The following HOXC13 variants were observed in gnomAD, a reference collection of about 807,000 sequenced individuals.
HOXC13 encodes homeobox C13, also known as homeobox protein Hox-C13.
HOXC13 carries 10 observed loss-of-function variants against 25.9 expected under a neutral mutation model. The observed-to-expected ratio is 0.39, with a 90% CI of 0.24 to 0.65. The LOEUF is 0.65. HOXC13 is among the 30% of genes least tolerant of loss of function. The pLI is 0.50. For synonymous variants in HOXC13, 233 were observed against 217.1 expected, an observed-to-expected ratio of 1.07 and a Z score of -0.64; for missense variants, 439 against 478.3, an observed-to-expected ratio of 0.92 and a Z score of 0.77.
chr12:53,939,201 C>G lies in HOXC13; in HGVS notation c.295C>G (p.Pro99Ala). Reference sequence around the variant, plus strand: ...CGCCGTCTATACGGACATCCCGGCCCCGGAGGCGGCGCGCCAGTGTGCCCC... The same window carrying G: ...CGCCGTCTATACGGACATCCCGGCCGCGGAGGCGGCGCGCCAGTGTGCCCC... The part of the protein sequence containing the change: ...QGAVYTDIPA[P>A]EAARQCAPPP... The change falls in exon 1 of 2, where the codon CCG (proline) becomes GCG (alanine). Residue 99 changes from proline (P) to alanine (A), a missense_variant. By Grantham distance (27) the Pro-to-Ala change is conservative. Coordinates refer to ENST00000243056, the MANE Select transcript of HOXC13 (RefSeq NM_017410.3). The surrounding 1 kb of genome is among the most constrained non-coding windows in gnomAD (Gnocchi z 6.7). 2 of 1,529,470 alleles carry G rather than the reference C, an allele frequency of 1.3e-6. No individual in the cohort carries two copies. The highest frequency in any genetic ancestry group is 1.8e-6 in the Non-Finnish European group (2 of 1,142,302). 94.7% of individuals were successfully genotyped at this position (1,529,470 alleles called of 1,614,324 possible). A position where few individuals can be genotyped will look rare whatever the true frequency, so the allele number is the denominator to read the frequency against.
At position 53,939,049 on chromosome 12, in the gene HOXC13, G is replaced by A. The variant is rs1443988303; in HGVS notation, c.143G>A (p.Gly48Glu). The A allele has an allele frequency of 6.9e-7, 1 of 1,444,010 alleles. No homozygotes were observed. Among genetic ancestry groups the A allele is most frequent in the Admixed American group, 2.7e-5 (1 of 36,898 alleles). The allele number at this position is 1,444,010 out of a possible 1,614,324, so 89.4% of individuals were successfully genotyped here. The change falls in exon 1 of 2, where the codon GGA (glycine) becomes GAA (glutamate). Residue 48 changes from glycine (G) to glutamate (E), a missense_variant. Transcript: ENST00000243056. This position sits in a 1 kb window ranked among gnomAD's most constrained non-coding sequence, Gnocchi z 6.7. ...GGCGGAGCGGGGGGTGGCTGCAGCG[G>A]AGCGAGCCCCGGCAAAGCCCCGAGC... is the stretch of plus-strand genomic sequence containing the variant. ...GTGGAGGGCS[G>E]ASPGKAPSMD...
At position 53,946,060 on chromosome 12, in the gene HOXC13, A is replaced by C. The variant is rs1938688773; in HGVS notation, c.*804A>C. On this transcript the variant is annotated 3_prime_UTR_variant, in exon 2 of 2. Coordinates refer to ENST00000243056, the MANE Select transcript of HOXC13 (RefSeq NM_017410.3). ...GCTCCTCTCTCCTCTCTCTCTCTCT[A>C]GGTGGTAAGGTTGGGGATTAGTCCA... 1 of 229,698 alleles carries C rather than the reference A, an allele frequency of 4.4e-6. No individual in the cohort carries two copies. The highest frequency in any genetic ancestry group is 8.6e-6 in the Non-Finnish European group (1 of 115,982). The allele number at this position is 229,698 out of a possible 1,614,324, so 14.2% of individuals were successfully genotyped here.
intron 1 of HOXC13, among the ~76,000 whole-genome samples, chr12:53,944,539 A>G (rs905876483): frequency 4.6e-5 from 7 of 152,172 alleles, no homozygotes; most frequent in African/African-American, 1.7e-4. Context: ...ATTTTTCTGA[A>G]TATCTGAAAT....
In HOXC13 at chr12:53,945,461, C is replaced by G. The variant is rs1406804123; in HGVS notation, c.*205C>G. 7 of 618,444 alleles carry G rather than the reference C, an allele frequency of 1.1e-5. No individual in the cohort carries two copies. Among genetic ancestry groups the G allele is most frequent in the African/African-American group, 1.8e-5 (1 of 54,336 alleles). 38.3% of individuals were successfully genotyped at this position (618,444 alleles called of 1,614,324 possible). ...CCCATCCCCAGCCTCCACCCCCATC[C>G]AGATGGGACTCACGTGGCTTCAACA... On this transcript the variant is annotated 3_prime_UTR_variant, in exon 2 of 2. Coordinates refer to ENST00000243056, the MANE Select transcript of HOXC13 (RefSeq NM_017410.3). This position sits in a 1 kb window ranked among gnomAD's most constrained non-coding sequence, Gnocchi z 4.4.
Position 53,946,016 on chromosome 12 carries a change from A to T in HOXC13, c.*760A>T. The T allele has an allele frequency of 4.3e-6, 1 of 231,640 alleles. No individual in the cohort carries two copies. The allele number at this position is 231,640 out of a possible 1,614,324, so 14.3% of individuals were successfully genotyped here. A position where few individuals can be genotyped will look rare whatever the true frequency, so the allele number is the denominator to read the frequency against. ...GAAATCCAAGGAGGACAAAGACTCC[A>T]GCCACGCTGCTAAATAGGGCTCCTC... On this transcript the variant is annotated 3_prime_UTR_variant, in exon 2 of 2. Coordinates refer to ENST00000243056, the MANE Select transcript of HOXC13 (RefSeq NM_017410.3).
At position 53,944,980 on chromosome 12, in the gene HOXC13, C is replaced by T. The variant is rs745382527; in HGVS notation, c.737-20C>T. 10 of 1,612,098 alleles carry T rather than the reference C, an allele frequency of 6.2e-6. No individual in the cohort carries two copies. The stretch of plus-strand genomic sequence containing the variant: ...CAGCCGCTTGCCTCACTTCTTCCCG[C>T]TTGCCTTATCTCCCCGCAGACGTGG... On this transcript the variant is annotated intron_variant, in intron 1 of 1. Transcript: ENST00000243056.
At chr12:53,944,936 CG>C in intron 1 of HOXC13, 63 bp from the exon 2 acceptor site, 4 of 1,602,432 alleles carry the variant, frequency 2.5e-6, no homozygotes, top group Non-Finnish European at 8.5e-7. Context: ...TAGGCAGCCT[CG>C]GGTCCTCTAT....
rs539729816 is a variant in HOXC13, at chr12:53,939,800, C to T, written c.736+158C>T. 1.8e-4 allele frequency among the ~76,000 whole-genome samples: 28 copies of T among 152,328 alleles called. No individual in the cohort carries two copies. Among genetic ancestry groups the T allele is most frequent in the African/African-American group, 6.5e-4 (27 of 41,582 alleles). On this transcript the variant is annotated intron_variant, in intron 1 of 1. Transcript: ENST00000243056. This position sits in a 1 kb window ranked among gnomAD's most constrained non-coding sequence, Gnocchi z 6.7. ...GCCGGGCGAGCTGCACTGAGGAATG[C>T]GCCGGGGAAGAAATCTGCTCCGACA...
rs1938583354 is a variant in HOXC13 at position 53,939,973 on chromosome 12, C to T, written c.736+331C>T. ...GGCTCTTGGCCCCTAAACCTGCTTC[C>T]GGCAAGGGATGGGGGCGGGGTGGGC... is the stretch of plus-strand genomic sequence containing the variant. On this transcript the variant is annotated intron_variant, in intron 1 of 1. Transcript: ENST00000243056. This position sits in a 1 kb window ranked among gnomAD's most constrained non-coding sequence, Gnocchi z 6.7. Among the ~76,000 whole-genome samples, 1 of 152,216 alleles carries T rather than the reference C, an allele frequency of 6.6e-6. No individual in the cohort carries two copies. Among genetic ancestry groups the T allele is most frequent in the South Asian group, 2.1e-4 (1 of 4,830 alleles).
rs1938694833 is a variant in HOXC13 at position 53,946,512 on chromosome 12, GT to G, written c.*1261del. The stretch of plus-strand genomic sequence containing the variant: ...AAAAAGGAAAAAAACCCACAAACAT[GT>G]TTTTAAAATAAAATATCTTTTTTTG... On this transcript the variant is annotated 3_prime_UTR_variant, in exon 2 of 2. Coordinates refer to ENST00000243056, the MANE Select transcript of HOXC13 (RefSeq NM_017410.3). The G allele has an allele frequency of 5.2e-6, 1 of 193,988 alleles. No homozygotes were observed. Among genetic ancestry groups the G allele is most frequent in the African/African-American group, 2.3e-5 (1 of 43,132 alleles). 12.0% of individuals were successfully genotyped at this position (193,988 alleles called of 1,614,324 possible).
chr12:53,940,736 G>C (rs1190934839), intron 1 of HOXC13, among the ~76,000 whole-genome samples: 2 of 152,150 alleles, frequency 1.3e-5, no homozygotes, highest in South Asian at 2.1e-4. Context: ...GAGCTCAGTG[G>C]GAGAGCGTTC....
In HOXC13 at chr12:53,945,456, C is replaced by A; in HGVS notation, c.*200C>A. ...CCTATCCCATCCCCAGCCTCCACCC[C>A]CATCCAGATGGGACTCACGTGGCTT... On this transcript the variant is annotated 3_prime_UTR_variant, in exon 2 of 2. Coordinates refer to ENST00000243056, the MANE Select transcript of HOXC13 (RefSeq NM_017410.3). This position sits in a 1 kb window ranked among gnomAD's most constrained non-coding sequence, Gnocchi z 4.4. The A allele has an allele frequency of 1.6e-6, 1 of 630,528 alleles. No homozygotes were observed. The highest frequency in any genetic ancestry group is 2.7e-6 in the Non-Finnish European group (1 of 366,124). The allele number at this position is 630,528 out of a possible 1,614,324, so 39.1% of individuals were successfully genotyped here.
rs1222506475 is a variant in HOXC13 at position 53,939,589 on chromosome 12, A to G, written c.683A>G (p.Tyr228Cys). 6.2e-7 allele frequency: 1 copy of G among 1,602,450 alleles called. No individual in the cohort carries two copies. Among genetic ancestry groups the G allele is most frequent in the Admixed American group, 1.7e-5 (1 of 59,212 alleles). The change falls in exon 1 of 2, where the codon TAC (tyrosine) becomes TGC (cysteine). Residue 228 changes from tyrosine to cysteine, a missense_variant. Physicochemically the swap from Tyr to Cys is radical, Grantham distance 194. Transcript: ENST00000243056. The surrounding 1 kb of genome is among the most constrained non-coding windows in gnomAD (Gnocchi z 6.7). The part of the protein sequence containing the change: ...ALSNGWDSQV[Y>C]CSKEQSQSAH... ...TCCAATGGCTGGGACAGTCAGGTGT[A>G]CTGCTCCAAGGAGCAGTCGCAGTCC...
Position 53,945,472 on chromosome 12 carries a change from C to T in HOXC13, c.*216C>T. On this transcript the variant is annotated 3_prime_UTR_variant, in exon 2 of 2. Transcript: ENST00000243056. This position sits in a 1 kb window ranked among gnomAD's most constrained non-coding sequence, Gnocchi z 4.4. ...CCTCCACCCCCATCCAGATGGGACT[C>T]ACGTGGCTTCAACAGCTTTGGAAAT... The T allele has an allele frequency of 1.7e-6, 1 of 598,834 alleles. No individual in the cohort carries two copies. Among genetic ancestry groups the T allele is most frequent in the Non-Finnish European group, 2.9e-6 (1 of 340,826 alleles). 37.1% of individuals were successfully genotyped at this position (598,834 alleles called of 1,614,324 possible). A position where few individuals can be genotyped will look rare whatever the true frequency, so the allele number is the denominator to read the frequency against.
Position 53,945,260 on chromosome 12 carries a change from C to T in HOXC13, c.*4C>T. The stretch of plus-strand genomic sequence containing the variant: ...GCCTCATCTCCACTCCACCTGACCA[C>T]CCACCCGCTGCTTGCCCCATCTATT... On this transcript the variant is annotated 3_prime_UTR_variant, in exon 2 of 2. Coordinates refer to ENST00000243056, the MANE Select transcript of HOXC13 (RefSeq NM_017410.3). This position sits in a 1 kb window ranked among gnomAD's most constrained non-coding sequence, Gnocchi z 4.4. 6.2e-7 allele frequency: 1 copy of T among 1,613,716 alleles called. No individual in the cohort carries two copies. Among genetic ancestry groups the T allele is most frequent in the Non-Finnish European group, 8.5e-7 (1 of 1,179,694 alleles).
At chr12:53,944,684 A>AT (rs1938662870) in intron 1 of HOXC13, among the ~76,000 whole-genome samples, 1 of 152,042 alleles carries the variant, frequency 6.6e-6, no homozygotes, top group South Asian at 2.1e-4. Flanking sequence ...ACCCATGTTT[A>AT]TTTTTTTAAT....
At position 53,945,649 on chromosome 12, in the gene HOXC13, T is replaced by C; in HGVS notation, c.*393T>C. The C allele has an allele frequency of 3.2e-6, 1 of 313,910 alleles. No individual in the cohort carries two copies. The highest frequency in any genetic ancestry group is 6.0e-6 in the Non-Finnish European group (1 of 166,802). 19.4% of individuals were successfully genotyped at this position (313,910 alleles called of 1,614,324 possible). A position where few individuals can be genotyped will look rare whatever the true frequency, so the allele number is the denominator to read the frequency against. On this transcript the variant is annotated 3_prime_UTR_variant, in exon 2 of 2. Transcript: ENST00000243056. The surrounding 1 kb of genome is among the most constrained non-coding windows in gnomAD (Gnocchi z 4.4). ...AATGGCCCCAATTCTTGCCTCATCC[T>C]ATGACCAGGCTTTTAGAGGACCTTC...
chr12:53,942,257 T>C (rs981876661), intron 1 of HOXC13, among the ~76,000 whole-genome samples: 16 of 140,898 alleles, frequency 1.1e-4, no homozygotes, highest in African/African-American at 4.3e-4. Flanking sequence ...AGATGGGGTT[T>C]AGGAGAGAGA....
chr12:53,939,710 G>C lies in HOXC13; in HGVS notation c.736+68G>C. 7.8e-7 allele frequency: 1 copy of C among 1,276,178 alleles called. No individual in the cohort carries two copies. The highest frequency in any genetic ancestry group is 3.3e-5 in the South Asian group (1 of 30,320). 79.1% of individuals were successfully genotyped at this position (1,276,178 alleles called of 1,614,324 possible). ...CCCGCCCTGCCTGCCCCGGGGCTCCGCGCCCCAACCACCCCCGCCGTCTGG... is the reference window on the plus strand; with the variant it reads ...CCCGCCCTGCCTGCCCCGGGGCTCCCCGCCCCAACCACCCCCGCCGTCTGG... On this transcript the variant is annotated intron_variant, in intron 1 of 1. Coordinates refer to ENST00000243056, the MANE Select transcript of HOXC13 (RefSeq NM_017410.3). The surrounding 1 kb of genome is among the most constrained non-coding windows in gnomAD (Gnocchi z 6.7).
Sources: allele counts gnomAD v4.1 joint callset (sites outside exome capture counted in the v4.1 genomes callset), GRCh38; gene constraint gnomAD v4.1.1; non-coding constraint Gnocchi (gnomAD v3.1); transcripts MANE v1.5; gene names NCBI Gene and HGNC (gene_info 2026-07-23, HGNC 2026-07-21).